FRMPD4: variants seen among roughly 807,000 people sequenced by gnomAD.
FRMPD4 encodes FERM and PDZ domain-containing protein 4.
A neutral mutation model predicts 94.1 loss-of-function variants in FRMPD4; 22 were observed. The observed-to-expected ratio is 0.23, with a 90% CI of 0.17 to 0.33. The LOEUF (loss-of-function observed/expected upper bound fraction) is 0.33. Ranked by LOEUF, FRMPD4 falls within the 10% of genes least tolerant of loss-of-function variation. The probability of loss-of-function intolerance (pLI) is 1.00; values close to 1 mark genes in which losing one functional copy is unlikely to be tolerated. For missense variants in FRMPD4, 1,111 were observed against 1,339.9 expected (o/e 0.83, Z 2.67); for synonymous variants, 631 against 548.6 (o/e 1.15, Z -2.10).
intron 1 of FRMPD4, among the ~76,000 whole-genome samples, chrX:12,362,355 C>A (rs1021110416): frequency 6.3e-5 from 7 of 110,629 alleles, no homozygotes; most frequent in South Asian, 3.9e-4. Flanking sequence ...ATCCCTCCCC[C>A]CTCCTCCCAC....
At chrX:12,139,551 TGG>T (rs368733965) in intron 1 of FRMPD4, among the ~76,000 whole-genome samples, 897 of 81,635 alleles carry the variant, frequency 0.011, 15 homozygotes, top group African/African-American at 0.037. Context: ...TTTTTTTTTT[TGG>T]GGGGGGGGTA....
At chrX:12,441,628 T>C (rs1309299691) in intron 1 of FRMPD4, among the ~76,000 whole-genome samples, 3 of 111,842 alleles carry the variant, frequency 2.7e-5, no homozygotes, top group African/African-American at 9.8e-5. Context: ...ACTGAGAAGC[T>C]GGGGAAAGAA....
intron 2 of FRMPD4, among the ~76,000 whole-genome samples, chrX:12,549,690 C>G (rs1409160857): frequency 8.9e-6 from 1 of 111,980 alleles, no homozygotes; most frequent in East Asian, 2.8e-4. Context: ...GCGGCAGTAT[C>G]CAGGCACCAA....
chrX:11,876,954 C>T (rs1485365056), intron 2 of FRMPD4, among the ~76,000 whole-genome samples: 1 of 112,132 alleles, frequency 8.9e-6, no homozygotes, highest in Non-Finnish European at 1.9e-5. Flanking sequence ...TGGGCAAAGG[C>T]CAGAGATGCC....
At chrX:11,865,169 A>T (rs1159141152) in exon 2 of FRMPD4, among the ~76,000 whole-genome samples, 1 of 112,112 alleles carries the variant, frequency 8.9e-6, no homozygotes, top group African/African-American at 3.2e-5. Context: ...AAAATACAGG[A>T]TCCCAAACCT....
At chrX:11,915,591 C>A (rs5935186) in intron 3 of FRMPD4, among the ~76,000 whole-genome samples, 34,028 of 111,325 alleles carry the variant, frequency 0.31, 3,913 homozygotes, top group East Asian at 0.63. Context: ...AAATTAATTA[C>A]AATTAGAAAT....
chrX:12,129,211 G>A (rs925744417), intron 3 of FRMPD4, among the ~76,000 whole-genome samples: 5 of 111,853 alleles, frequency 4.5e-5, no homozygotes, highest in Non-Finnish European at 9.4e-5. Flanking sequence ...CCCAAGACTG[G>A]GTAATTTATA....
chrX:12,247,700 A>G (rs953833667), intron 1 of FRMPD4, among the ~76,000 whole-genome samples: 1 of 112,209 alleles, frequency 8.9e-6, no homozygotes, highest in Non-Finnish European at 1.9e-5. Flanking sequence ...TGTGCATTTT[A>G]AAAGAAATTT....
chrX:12,530,275 A>G (rs2058271279), intron 2 of FRMPD4, among the ~76,000 whole-genome samples: 1 of 112,121 alleles, frequency 8.9e-6, no homozygotes, highest in African/African-American at 3.2e-5. Context: ...GAATTACAAT[A>G]TGACCAGATT....
chrX:11,953,307 C>CT (rs1187379538), intron 3 of FRMPD4, among the ~76,000 whole-genome samples: 3 of 111,268 alleles, frequency 2.7e-5, no homozygotes, highest in Non-Finnish European at 5.7e-5. Context: ...AGAAGGGAAA[C>CT]TTTTTTTTAA....
chrX:12,436,783 T>C lies in FRMPD4; in HGVS notation c.42-61897T>C, dbSNP rs748401732. 5.9e-4 allele frequency among the ~76,000 whole-genome samples: 66 copies of C among 111,860 alleles called. 1 individual carries two copies. Among genetic ancestry groups the C allele is most frequent in the Non-Finnish European group, 1.2e-3 (63 of 53,161 alleles). On this transcript the variant is annotated intron_variant, in intron 1 of 16. Transcript: ENST00000675598. The stretch of plus-strand genomic sequence containing the variant: ...GAGTACCTGTAATAATATATTCATA[T>C]AAAGAACAAATCAGTGTAATTGGCA...
At chrX:12,069,557 A>G (rs1243520658) in intron 3 of FRMPD4, among the ~76,000 whole-genome samples, 5 of 111,847 alleles carry the variant, frequency 4.5e-5, no homozygotes, top group Non-Finnish European at 9.4e-5. Flanking sequence ...GATGTGAGAT[A>G]TAGGGTATGA....
Position 12,716,385 on chromosome X carries a change from A to G in FRMPD4, c.1926A>G (p.Ala642=), listed in dbSNP as rs887954550. The G allele has an allele frequency of 9.9e-6, 12 of 1,211,456 alleles. No homozygotes were observed. Among genetic ancestry groups the G allele is most frequent in the Non-Finnish European group, 1.3e-5 (12 of 895,058 alleles). ...TLSGPETLKK[A]QESPRGAKVS... Reference sequence around the variant, plus strand: ...CAGGACCAGAAACTCTGAAGAAAGCACAGGAATCTCCGAGAGGAGCTAAAG... The same window carrying G: ...CAGGACCAGAAACTCTGAAGAAAGCGCAGGAATCTCCGAGAGGAGCTAAAG... Residue 642 remains alanine (A), a synonymous_variant, in exon 15 of 17, where the codon GCA becomes GCG. Transcript: ENST00000675598.
chrX:12,097,466 C>G (rs910108789), intron 3 of FRMPD4, among the ~76,000 whole-genome samples: 2 of 112,217 alleles, frequency 1.8e-5, no homozygotes, highest in Non-Finnish European at 3.8e-5. Flanking sequence ...CAATAGTTTT[C>G]CGTTTATTTA....
chrX:11,847,798 C>T (rs1250625643), intron 1 of FRMPD4, among the ~76,000 whole-genome samples: 2 of 99,883 alleles, frequency 2.0e-5, no homozygotes, highest in African/African-American at 3.8e-5. Flanking sequence ...AACCAAACAC[C>T]GCATGTTCTC....
intron 3 of FRMPD4, among the ~76,000 whole-genome samples, chrX:12,131,876 A>T (rs750709819): frequency 4.4e-5 from 5 of 112,565 alleles, no homozygotes; most frequent in Middle Eastern, 4.6e-3. Flanking sequence ...CCAGGTATAA[A>T]GGAACAAAAA....
intron 1 of FRMPD4, among the ~76,000 whole-genome samples, chrX:12,431,739 G>A (rs900224170): frequency 1.8e-5 from 2 of 112,039 alleles, no homozygotes; most frequent in Non-Finnish European, 3.8e-5. Flanking sequence ...AAAATTCATG[G>A]TTGATAATTT....
intron 1 of FRMPD4, among the ~76,000 whole-genome samples, chrX:12,262,322 C>G (rs2054201160): frequency 9.0e-6 from 1 of 110,768 alleles, no homozygotes; most frequent in East Asian, 2.8e-4. Flanking sequence ...ACTATGTTGC[C>G]CAGGCTTGAA....
chrX:12,354,191 T>G (rs1372836662), intron 1 of FRMPD4, among the ~76,000 whole-genome samples: 1 of 112,543 alleles, frequency 8.9e-6, no homozygotes, highest in Non-Finnish European at 1.9e-5. Context: ...GGGAAATAAT[T>G]TGTCTAACGC....
Sources: gnomAD v4.1 joint callset for allele counts (sites outside exome capture counted in the v4.1 genomes callset) on GRCh38, gnomAD v4.1.1 for gene constraint, MANE v1.5 for transcripts, NCBI Gene and HGNC (gene_info 2026-07-23, HGNC 2026-07-21) for gene names.